The following CDIN1 variants were observed in gnomAD, a reference collection of about 807,000 sequenced individuals.
CDIN1 encodes the protein CDAN1-interacting nuclease 1.
In CDIN1, 33 loss-of-function variants were observed where a neutral mutation model predicts 45.3. The observed-to-expected ratio is 0.73, with a 90% CI of 0.55 to 0.97. The LOEUF is 0.97. Among genes scored for constraint, CDIN1 ranks in the 50% least tolerant of loss-of-function variants. The pLI is 0.00. For missense variants in CDIN1, 303 were observed against 339.4 expected (o/e 0.89, Z 0.84); for synonymous variants, 118 against 124.4 (o/e 0.95, Z 0.34).
intron 5 of CDIN1, among the ~76,000 whole-genome samples, chr15:36,663,757 G>A (rs577296967): frequency 1.1e-4 from 17 of 152,156 alleles, no homozygotes; most frequent in Non-Finnish European, 1.9e-4. Flanking sequence ...TACTATTACA[G>A]AAATAGCTAA....
chr15:36,746,876 A>G, intron 10 of CDIN1: 1 of 383,972 alleles, frequency 2.6e-6, no homozygotes, highest in East Asian at 3.7e-5. Context: ...CAGTCTCCCA[A>G]GTAGCTGGGA....
chr15:36,701,549 A>G (rs1197055243), intron 8 of CDIN1, among the ~76,000 whole-genome samples: 1 of 152,216 alleles, frequency 6.6e-6, no homozygotes, highest in Non-Finnish European at 1.5e-5. Context: ...TAAACCATCC[A>G]TCTTTTATGG....
At chr15:36,801,865 A>G (rs1299554937) in intron 10 of CDIN1, among the ~76,000 whole-genome samples, 1 of 152,192 alleles carries the variant, frequency 6.6e-6, no homozygotes. Flanking sequence ...AAATGTGGTG[A>G]TACTTAAATT....
intron 10 of CDIN1, among the ~76,000 whole-genome samples, chr15:36,748,296 A>G (rs1329403909): frequency 6.6e-6 from 1 of 152,232 alleles, no homozygotes; most frequent in African/African-American, 2.4e-5. Context: ...TGAGGTAAAT[A>G]GATACGGGAT....
intron 1 of CDIN1, chr15:36,642,021 CG>C (rs2040130520): frequency 6.6e-6 from 1 of 152,188 alleles, no homozygotes; most frequent in African/African-American, 2.4e-5. Flanking sequence ...AGATCAAACA[CG>C]GTGGGACAGT....
intron 1 of CDIN1, among the ~76,000 whole-genome samples, chr15:36,643,485 G>A (rs556787472): frequency 1.3e-5 from 2 of 152,320 alleles, no homozygotes; most frequent in African/African-American, 4.8e-5. Context: ...TTCAAGATAC[G>A]ATAAGTTAGA....
At chr15:36,663,926 G>A (rs2041128737) in intron 5 of CDIN1, among the ~76,000 whole-genome samples, 1 of 152,216 alleles carries the variant, frequency 6.6e-6, no homozygotes, top group South Asian at 2.1e-4. Flanking sequence ...TGTAAAATGT[G>A]TTGAAGTAAG....
chr15:36,718,112 C>A (rs990090517), intron 10 of CDIN1, among the ~76,000 whole-genome samples: 1 of 151,816 alleles, frequency 6.6e-6, no homozygotes, highest in African/African-American at 2.4e-5. Flanking sequence ...GTTCTAGAAC[C>A]CTTTTTTGAG....
rs948199073 is a variant in CDIN1, at chr15:36,722,810, A to G, written c.716+12849A>G. Among the ~76,000 whole-genome samples the G allele has an allele frequency of 3.3e-5, 5 of 152,322 alleles. No individual in the cohort carries two copies. The South Asian group carries it at 1.0e-3, about 32-fold the overall frequency. On this transcript the variant is annotated intron_variant, in intron 10 of 10. Transcript: ENST00000566621. ...GCATGTCTCGTACTCTTCTCATAAA[A>G]CAGAAATCTTCATGGATACGTAATG...
chr15:36,587,019 T>A (rs2037333503), intron 1 of CDIN1, among the ~76,000 whole-genome samples: 1 of 152,190 alleles, frequency 6.6e-6, no homozygotes, highest in African/African-American at 2.4e-5. Flanking sequence ...GGCACAAGTT[T>A]AATTTTTCCT....
rs180971254 is a variant in CDIN1, at chr15:36,636,882, A to T, written c.102-7396A>T. Among the ~76,000 whole-genome samples, 41 of 152,368 alleles carry T rather than the reference A, an allele frequency of 2.7e-4. No homozygotes were observed. The East Asian group carries it at 6.0e-3, about 22-fold the overall frequency. ...ATTATTAAAAGAATAGTAAAAGAGT[A>T]TGTAACTTTTAAGTTGCAAGAGGAA... On this transcript the variant is annotated intron_variant, in intron 1 of 10. Transcript: ENST00000566621.
intron 10 of CDIN1, among the ~76,000 whole-genome samples, chr15:36,755,373 A>G (rs2053584298): frequency 6.6e-6 from 1 of 152,152 alleles, no homozygotes; most frequent in South Asian, 2.1e-4. Flanking sequence ...ATCTCATTTT[A>G]GTACAATTTT....
intron 2 of CDIN1, among the ~76,000 whole-genome samples, chr15:36,644,957 C>T (rs957469001): frequency 1.3e-5 from 2 of 152,124 alleles, no homozygotes; most frequent in Non-Finnish European, 2.9e-5. Context: ...TATTTAGATT[C>T]AATTACTATG....
intron 10 of CDIN1, among the ~76,000 whole-genome samples, chr15:36,727,482 G>A (rs1004327795): frequency 5.9e-5 from 9 of 152,142 alleles, no homozygotes; most frequent in Admixed American, 5.9e-4. Context: ...TGTGAAGGCA[G>A]CGAAAAATGT....
intron 10 of CDIN1, among the ~76,000 whole-genome samples, chr15:36,771,668 G>A (rs1233110883): frequency 2.6e-5 from 4 of 152,188 alleles, no homozygotes; most frequent in Non-Finnish European, 4.4e-5. Context: ...AGTGGCTCCC[G>A]CCTGTAATCC....
intron 10 of CDIN1, among the ~76,000 whole-genome samples, chr15:36,728,200 A>G (rs1480775517): frequency 6.6e-6 from 1 of 152,180 alleles, no homozygotes; most frequent in Non-Finnish European, 1.5e-5. Context: ...AAAGCTTATC[A>G]ACAAGTATGC....
intron 5 of CDIN1, among the ~76,000 whole-genome samples, chr15:36,668,472 G>A (rs189239579): frequency 1.3e-5 from 2 of 152,226 alleles, no homozygotes; most frequent in Admixed American, 1.3e-4. Context: ...GAAAGGACAA[G>A]AGCTGGGACT....
chr15:36,657,565 T>C (rs1290073747), intron 4 of CDIN1, among the ~76,000 whole-genome samples: 1 of 152,164 alleles, frequency 6.6e-6, no homozygotes, highest in Non-Finnish European at 1.5e-5. Context: ...TTCACTGTTT[T>C]AGACGAATGC....
At chr15:36,795,127 G>A (rs566035008) in intron 10 of CDIN1, among the ~76,000 whole-genome samples, 6 of 152,268 alleles carry the variant, frequency 3.9e-5, no homozygotes, top group South Asian at 2.1e-4. Context: ...ATCCAAGGCC[G>A]GGAAGAGTGT....
Sources: allele counts gnomAD v4.1 joint callset (sites outside exome capture counted in the v4.1 genomes callset), GRCh38; gene constraint gnomAD v4.1.1; transcripts MANE v1.5; gene names NCBI Gene and HGNC (gene_info 2026-07-23, HGNC 2026-07-21).